DNAH9: variants seen among roughly 807,000 people sequenced by gnomAD.
DNAH9 encodes the protein dynein axonemal heavy chain 9.
A neutral mutation model predicts 471.6 loss-of-function variants in DNAH9; 345 were observed. That is an observed-to-expected ratio of 0.73 (90% CI 0.67 to 0.80). DNAH9 has a LOEUF of 0.80. DNAH9 is among the 30% of genes least tolerant of loss of function. The pLI is 0.00. For missense variants in DNAH9, 5,407 were observed against 5,609.2 expected, an observed-to-expected ratio of 0.96 and a Z score of 1.15; for synonymous variants, 2,093 against 2,123.6, an observed-to-expected ratio of 0.99 and a Z score of 0.40.
In DNAH9 at chr17:11,669,424, AG is replaced by A. The variant is rs771595064; in HGVS notation, c.2984del (p.Arg995LysfsTer5). The A allele has an allele frequency of 4.3e-6, 7 of 1,614,024 alleles. No individual in the cohort carries two copies. In the Admixed American group the frequency reaches 1.2e-4, roughly 27 times the overall value. On this transcript the variant is annotated frameshift_variant, in exon 17 of 69. Transcript: ENST00000262442. LOFTEE classifies it high-confidence loss of function. ...AAACATGCGGCGCACACTCATGGAG[AG>A]AGTCCAGAGAATGATGGGCCTCTGC... is the stretch of plus-strand genomic sequence containing the variant. The part of the protein sequence containing the change: ...LANMRRTLME[R>X]VQRMMGLCCG...
At chr17:11,714,377 C>T (rs2074924391) in intron 26 of DNAH9, among the ~76,000 whole-genome samples, 1 of 152,142 alleles carries the variant, frequency 6.6e-6, no homozygotes, top group African/African-American at 2.4e-5. Context: ...TATCGTCTAT[C>T]TAGTAATTAT....
intron 27 of DNAH9, among the ~76,000 whole-genome samples, chr17:11,722,263 T>A (rs1428323459): frequency 4.6e-5 from 7 of 151,966 alleles, no homozygotes; most frequent in Admixed American, 3.3e-4. Flanking sequence ...AAACAGGAGA[T>A]AAGGAGGGGA....
chr17:11,758,759 C>T (rs1967516370), intron 35 of DNAH9, among the ~76,000 whole-genome samples: 1 of 152,130 alleles, frequency 6.6e-6, no homozygotes, highest in Non-Finnish European at 1.5e-5. Context: ...ATTTTGTATA[C>T]CTAAAAATTG....
intron 48 of DNAH9, among the ~76,000 whole-genome samples, chr17:11,832,148 A>T (rs769364664): frequency 2.0e-5 from 3 of 152,210 alleles, no homozygotes; most frequent in African/African-American, 7.2e-5. Flanking sequence ...CAGAAAAGCC[A>T]TAAAATGGAC....
rs564545808 is a variant in DNAH9, at chr17:11,773,561, A to T, written c.7552+4232A>T. On this transcript the variant is annotated intron_variant, in intron 38 of 68. Transcript: ENST00000262442. ...TGATTTTTTAAAATATATATAATAT[A>T]TACACATACACATAATTTATGCTTA... 1.8e-4 allele frequency among the ~76,000 whole-genome samples: 27 copies of T among 152,174 alleles called. No individual in the cohort carries two copies. In the South Asian group the frequency reaches 3.9e-3, roughly 22 times the overall value.
At chr17:11,646,720 C>G (rs2032353862) in intron 11 of DNAH9, among the ~76,000 whole-genome samples, 1 of 152,084 alleles carries the variant, frequency 6.6e-6, no homozygotes, top group African/African-American at 2.4e-5. Context: ...TCGAGACCAG[C>G]CTGAACAACA....
At chr17:11,951,614 T>C (rs1192348762) in intron 67 of DNAH9, among the ~76,000 whole-genome samples, 1 of 152,036 alleles carries the variant, frequency 6.6e-6, no homozygotes. Context: ...AGTGAGACCC[T>C]ATCTTGAGGG....
intron 50 of DNAH9, among the ~76,000 whole-genome samples, chr17:11,860,008 G>C (rs1971785023): frequency 6.6e-6 from 1 of 152,104 alleles, no homozygotes; most frequent in South Asian, 2.1e-4. Context: ...TGTTATTACT[G>C]CTTATCATTA....
chr17:11,779,399 A>G (rs1022613858), intron 38 of DNAH9, among the ~76,000 whole-genome samples: 7 of 152,160 alleles, frequency 4.6e-5, no homozygotes, highest in Non-Finnish European at 7.3e-5. Context: ...TAGGTGTGAC[A>G]TGGAGCACAG....
chr17:11,884,893 A>G (rs139553191), intron 56 of DNAH9, among the ~76,000 whole-genome samples: 2 of 152,236 alleles, frequency 1.3e-5, no homozygotes, highest in Admixed American at 6.5e-5. Flanking sequence ...GATGCAGCAT[A>G]CTGATCTCTT....
In DNAH9 at chr17:11,688,082, C is replaced by CAAAAAAAA. The variant is rs145792851; in HGVS notation, c.3744-1473_3744-1466dup. ...CCGGGAGGCGGAGATTGCAGTAAGC[C>CAAAAAAAA]AAAAAAAAAAAAAAAAAAGAAAAAG... On this transcript the variant is annotated intron_variant, in intron 19 of 68. Transcript: ENST00000262442. Among the ~76,000 whole-genome samples, 13 of 59,674 alleles carry CAAAAAAAA rather than the reference C, an allele frequency of 2.2e-4. 4 individuals are homozygous for CAAAAAAAA. Among genetic ancestry groups the CAAAAAAAA allele is most frequent in the South Asian group, 7.1e-4 (1 of 1,402 alleles). 39.1% of individuals were successfully genotyped at this position (59,674 alleles called of 152,430 possible).
At chr17:11,955,666 G>A (rs1271469998) in intron 67 of DNAH9, among the ~76,000 whole-genome samples, 1 of 152,188 alleles carries the variant, frequency 6.6e-6, no homozygotes, top group Non-Finnish European at 1.5e-5. Context: ...GATCATAAGG[G>A]AAAAGACATA....
chr17:11,632,757 A>G lies in DNAH9; in HGVS notation c.1635+54A>G, dbSNP rs943016901. 9.6e-6 allele frequency: 8 copies of G among 833,318 alleles called. No individual in the cohort carries two copies. The African/African-American group carries it at 1.3e-4, about 14-fold the overall frequency. 51.6% of individuals were successfully genotyped at this position (833,318 alleles called of 1,614,324 possible). A position where few individuals can be genotyped will look rare whatever the true frequency, so the allele number is the denominator to read the frequency against. On this transcript the variant is annotated intron_variant, in intron 8 of 68. Transcript: ENST00000262442. ...GGTCCTGGATACTCCCCCGGCCCTCATCAGAGGATGATATGGATACCTTTC... is the reference window on the plus strand; with the variant it reads ...GGTCCTGGATACTCCCCCGGCCCTCGTCAGAGGATGATATGGATACCTTTC...
chr17:11,912,573 G>A (rs1366488264), intron 61 of DNAH9, among the ~76,000 whole-genome samples: 2 of 152,040 alleles, frequency 1.3e-5, no homozygotes, highest in Non-Finnish European at 2.9e-5. Flanking sequence ...TAATAAGATA[G>A]TTGTTTCTTT....
rs1306112259 is a variant in DNAH9 at position 11,883,766 on chromosome 17, C to T, written c.10971+16C>T. 1 of 1,611,520 alleles carries T rather than the reference C, an allele frequency of 6.2e-7. No individual in the cohort carries two copies. Among genetic ancestry groups the T allele is most frequent in the Admixed American group, 1.7e-5 (1 of 59,806 alleles). On this transcript the variant is annotated intron_variant, in intron 56 of 68. Coordinates refer to ENST00000262442, the MANE Select transcript of DNAH9 (RefSeq NM_001372.4). ...TGAGAAAAAGGTAAAACTCCTCTGG[C>T]TAGTCTGGGAAGGCAGCCTAGGCTG...
intron 61 of DNAH9, among the ~76,000 whole-genome samples, chr17:11,923,105 C>T (rs868225215): frequency 1.3e-5 from 2 of 151,658 alleles, no homozygotes; most frequent in Middle Eastern, 3.4e-3. Context: ...GACTGAGTTT[C>T]GCTCTTGTTG....
At chr17:11,794,621 T>C (rs1488788014) in intron 42 of DNAH9, among the ~76,000 whole-genome samples, 3 of 152,180 alleles carry the variant, frequency 2.0e-5, no homozygotes, top group African/African-American at 7.2e-5. Flanking sequence ...CTCTCACCAG[T>C]TCTCCCCTCT....
Position 11,902,894 on chromosome 17 carries a change from G to A in DNAH9, c.11582G>A (p.Arg3861Gln), listed in dbSNP as rs200440446. The change falls in exon 60 of 69, where the codon CGG becomes CAG. Residue 3861 changes from arginine (R) to glutamine (Q), a missense_variant. This residue lies in a region of DNAH9 where 4,636 missense variants were observed against 4,900.3 expected (regional missense o/e 0.95). Transcript: ENST00000262442. ...LCMLRAMRPD[R>Q]MTYALRDFVE... ...ATGCTGAGAGCCATGCGGCCCGACC[G>A]GATGACCTATGCTTTGCGGTAGGAA... The A allele has an allele frequency of 1.2e-5, 20 of 1,613,416 alleles. No homozygotes were observed. The highest frequency in any genetic ancestry group is 6.7e-5 in the East Asian group (3 of 44,878).
chr17:11,646,128 C>A (rs1031281992), intron 11 of DNAH9, among the ~76,000 whole-genome samples: 4 of 151,978 alleles, frequency 2.6e-5, no homozygotes, highest in Non-Finnish European at 5.9e-5. Flanking sequence ...ATCTGCCTGC[C>A]GTGGCCTCCT....
Sources: allele counts gnomAD v4.1 joint callset (sites outside exome capture counted in the v4.1 genomes callset), GRCh38; gene constraint gnomAD v4.1.1; regional missense constraint gnomAD v4.1.1; transcripts MANE v1.5; gene names NCBI Gene and HGNC (gene_info 2026-07-23, HGNC 2026-07-21).